SLC37A1: variants seen among roughly 807,000 people sequenced by gnomAD.
The protein encoded by SLC37A1 is glucose-6-phosphate exchanger SLC37A1.
Under a neutral mutation model 75.3 loss-of-function variants are expected in SLC37A1, and 49 were observed. That is an observed-to-expected ratio of 0.65 (90% confidence interval 0.52 to 0.83). The LOEUF (loss-of-function observed/expected upper bound fraction) is 0.83, where lower values mean the gene tolerates loss of function less well. Ranked by LOEUF, SLC37A1 falls within the 40% of genes least tolerant of loss-of-function variation. SLC37A1 has a pLI of 0.00. For synonymous variants in SLC37A1, 268 were observed against 292.1 expected (o/e 0.92, Z 0.84); for missense variants, 566 against 695.0 (o/e 0.81, Z 2.09).
In SLC37A1 at chr21:42,580,682, T is replaced by TGG. The variant is rs112048582; in HGVS notation, c.*329_*330dup. The TGG allele has an allele frequency of 7.1e-4, 127 of 179,920 alleles. No individual in the cohort carries two copies. The highest frequency in any genetic ancestry group is 2.6e-3 in the African/African-American group (97 of 36,978). The allele number at this position is 179,920 out of a possible 1,614,324, so 11.1% of individuals were successfully genotyped here. The stretch of plus-strand genomic sequence containing the variant: ...ACGCGTGACAACAAGGCCGGGAGGG[T>TGG]GGGGGGGGTGCACAGGTAGCCCCGA... On this transcript the variant is annotated 3_prime_UTR_variant, in exon 20 of 20. Transcript: ENST00000352133.
chr21:42,535,334 G>A (rs1191630061), intron 4 of SLC37A1, 138 bp from the exon 5 acceptor site: 28 of 698,350 alleles, frequency 4.0e-5, no homozygotes, highest in Non-Finnish European at 6.7e-5. Flanking sequence ...GCACCGCCTT[G>A]TTTTCTATGT....
intron 8 of SLC37A1, among the ~76,000 whole-genome samples, chr21:42,546,096 G>A (rs2055400895): frequency 1.3e-5 from 2 of 152,252 alleles, no homozygotes; most frequent in African/African-American, 4.8e-5. Flanking sequence ...TTGCAAGGCA[G>A]TAACCAGTTT....
At chr21:42,579,921 C>A in intron 19 of SLC37A1, 121 bp downstream of exon 19, 2 of 863,454 alleles carry the variant, frequency 2.3e-6, no homozygotes, top group South Asian at 1.5e-5. Context: ...TATCTTTTCA[C>A]GGCACGCCAC....
chr21:42,530,044 G>GA lies in SLC37A1; in HGVS notation c.138+4196dup, dbSNP rs570288420. On this transcript the variant is annotated intron_variant, in intron 3 of 19. Transcript: ENST00000352133. ...TGTAGTGACCAAAAAAAGCAAAAAGGAAAAAAAAACAATGCTGGATATCAA... is the reference window on the plus strand; with the variant it reads ...TGTAGTGACCAAAAAAAGCAAAAAGGAAAAAAAAAACAATGCTGGATATCAA... 6.1e-3 allele frequency among the ~76,000 whole-genome samples: 908 copies of GA among 148,206 alleles called. 5 individuals carry two copies. Among genetic ancestry groups the GA allele is most frequent in the African/African-American group, 0.021 (836 of 40,374 alleles).
At chr21:42,559,198 CG>C in intron 11 of SLC37A1, 109 bp downstream of exon 11, 5 of 1,393,610 alleles carry the variant, frequency 3.6e-6, no homozygotes, top group Non-Finnish European at 3.8e-6. Flanking sequence ...TTGTAGAACC[CG>C]GGGATTCGAA....
rs1030519685 is a variant in SLC37A1 at position 42,551,121 on chromosome 21, T to A, written c.769-2941T>A. On this transcript the variant is annotated intron_variant, in intron 9 of 19. Transcript: ENST00000352133. ...ATGCAGATTAGACAAGAAGTAAGAC[T>A]ACTTCTCTTTGCAGATGACATGATC... Among the ~76,000 whole-genome samples, 12 of 152,352 alleles carry A rather than the reference T, an allele frequency of 7.9e-5. 1 individual carries two copies. The highest frequency in any genetic ancestry group is 2.6e-4 in the African/African-American group (11 of 41,582).
intron 3 of SLC37A1, among the ~76,000 whole-genome samples, chr21:42,531,083 G>A (rs981229283): frequency 2.6e-5 from 4 of 152,200 alleles, no homozygotes; most frequent in African/African-American, 7.2e-5. Flanking sequence ...CTCCCCGGAC[G>A]GGATTTCCTC....
At chr21:42,511,510 G>C (rs1568977523), upstream of SLC37A1, among the ~76,000 whole-genome samples, 1 of 152,206 alleles carries the variant, frequency 6.6e-6, no homozygotes, top group Non-Finnish European at 1.5e-5. Context: ...TATAGGCCAG[G>C]CATGGTAGCT....
chr21:42,532,420 G>T (rs1256490508), intron 3 of SLC37A1, among the ~76,000 whole-genome samples: 2 of 152,172 alleles, frequency 1.3e-5, no homozygotes, highest in African/African-American at 2.4e-5. Flanking sequence ...CCTCAGCCGG[G>T]GAATGTCCTG....
intron 11 of SLC37A1, among the ~76,000 whole-genome samples, chr21:42,561,099 C>T (rs1287711745): frequency 3.3e-5 from 5 of 152,216 alleles, no homozygotes; most frequent in Non-Finnish European, 7.3e-5. Context: ...CGGTAAATTA[C>T]ACGTACACAT....
At chr21:42,503,248 C>CT (rs11444113) in intron 2 of SLC37A1, among the ~76,000 whole-genome samples, 55,517 of 125,710 alleles carry the variant, frequency 0.44, 13,339 homozygotes, top group Admixed American at 0.59. Flanking sequence ...AATTATACTC[C>CT]TTTTTTTTTT....
chr21:42,519,964 T>TGTGTGTG (rs1555879905), intron 2 of SLC37A1, among the ~76,000 whole-genome samples: 6,002 of 148,624 alleles, frequency 0.04, 391 homozygotes, highest in African/African-American at 0.14. Flanking sequence ...CACAGTGTGT[T>TGTGTGTG]TGTGTGTGTG....
rs937795556 is a variant in SLC37A1 at position 42,534,714 on chromosome 21, A to G, written c.155A>G (p.Tyr52Cys). Residue 52 changes from tyrosine (Y) to cysteine (C), a missense_variant, in exon 4 of 20, where the codon TAC (tyrosine) becomes TGC (cysteine). By Grantham distance (194) the Tyr-to-Cys change is radical (BLOSUM62 -2). Transcript: ENST00000352133. Reference protein sequence around the residue: ...ISIVKGELHKYCTAWDEADVR... With the variant: ...ISIVKGELHKCCTAWDEADVR... ...ACGTCCCAGGGTGAGCTCCACAAGTACTGCACTGCTTGGGATGAAGCTGAC... is the reference window on the plus strand; with the variant it reads ...ACGTCCCAGGGTGAGCTCCACAAGTGCTGCACTGCTTGGGATGAAGCTGAC... The G allele has an allele frequency of 6.2e-6, 10 of 1,613,836 alleles. No homozygotes were observed. The highest frequency in any genetic ancestry group is 8.5e-6 in the Non-Finnish European group (10 of 1,179,874).
intron 10 of SLC37A1, among the ~76,000 whole-genome samples, chr21:42,558,115 T>G (rs1249752535): frequency 6.6e-6 from 1 of 152,146 alleles, no homozygotes; most frequent in African/African-American, 2.4e-5. Context: ...CTATTTTTTT[T>G]TAGGTCTTAC....
chr21:42,534,859 C>T, intron 4 of SLC37A1, 29 bp downstream of exon 4: 1 of 1,604,752 alleles, frequency 6.2e-7, no homozygotes, highest in Non-Finnish European at 8.5e-7. Context: ...CGTCCAGGAG[C>T]CGAAGCGGCT....
chr21:42,525,627 A>T (rs1010180467), intron 2 of SLC37A1, 149 bp from the exon 3 acceptor site: 1 of 620,900 alleles, frequency 1.6e-6, no homozygotes, highest in East Asian at 2.8e-5. Context: ...TAATGTTCCA[A>T]TATTATAGTG....
chr21:42,563,860 A>G lies in SLC37A1; in HGVS notation c.1118A>G (p.Asp373Gly). Reference sequence around the variant, plus strand: ...GCGGGGGAGCTCTCCACCCTGTTTGACGTGGGCGGAATCTTTGGTGAGTTC... The same window carrying G: ...GCGGGGGAGCTCTCCACCCTGTTTGGCGTGGGCGGAATCTTTGGTGAGTTC... Reference protein sequence around the residue: ...KKAGELSTLFDVGGIFGGILA... With the variant: ...KKAGELSTLFGVGGIFGGILA... Residue 373 changes from aspartate to glycine, a missense_variant, in exon 13 of 20, where the codon GAC becomes GGC. Asp to Gly is a moderately conservative substitution (Grantham distance 94). Transcript: ENST00000352133. 6.2e-7 allele frequency: 1 copy of G among 1,614,158 alleles called. No homozygotes were observed.
At chr21:42,551,578 G>A (rs1458964402) in intron 9 of SLC37A1, among the ~76,000 whole-genome samples, 1 of 152,344 alleles carries the variant, frequency 6.6e-6, no homozygotes, top group East Asian at 1.9e-4. Context: ...TTAAATGAGT[G>A]AATGGTACAG....
chr21:42,519,964 T>TTGTG (rs373950219), intron 2 of SLC37A1, among the ~76,000 whole-genome samples: 19 of 148,658 alleles, frequency 1.3e-4, no homozygotes, highest in Admixed American at 4.0e-4. Flanking sequence ...CACAGTGTGT[T>TTGTG]TGTGTGTGTG....
Sources: allele counts gnomAD v4.1 joint callset (sites outside exome capture counted in the v4.1 genomes callset), GRCh38; gene constraint gnomAD v4.1.1; transcripts MANE v1.5; gene names NCBI Gene and HGNC (gene_info 2026-07-23, HGNC 2026-07-21).